LCLAT1: variants seen among roughly 807,000 people sequenced by gnomAD.
LCLAT1 encodes the protein lysocardiolipin acyltransferase 1, also known as 1-AGP acyltransferase 8.
In LCLAT1, 11 loss-of-function variants were observed where a neutral mutation model predicts 30.7. The observed-to-expected ratio is 0.36, with a 90% CI of 0.23 to 0.59. The LOEUF (loss-of-function observed/expected upper bound fraction) is 0.59, where lower values mean the gene tolerates loss of function less well. LCLAT1 is among the 20% of genes least tolerant of loss of function. LCLAT1 has a pLI of 0.77. For missense variants in LCLAT1, 402 were observed against 458.6 expected, an observed-to-expected ratio of 0.88 and a Z score of 1.13; for synonymous variants, 155 against 151.3, an observed-to-expected ratio of 1.02 and a Z score of -0.18.
At chr2:30,459,459 TA>T (rs1336088929) in intron 1 of LCLAT1, 11 of 672,910 alleles carry the variant, frequency 1.6e-5, no homozygotes, top group Non-Finnish European at 2.7e-5. Flanking sequence ...CCTGGGCCCG[TA>T]ATCTGTTTAC....
chr2:30,567,988 T>A (rs1016523580), intron 4 of LCLAT1, 72 bp from the exon 5 acceptor site: 2 of 742,140 alleles, frequency 2.7e-6, no homozygotes, highest in Non-Finnish European at 4.5e-6. Context: ...CAAAAAAAAT[T>A]CTGCACTTCT....
intron 5 of LCLAT1, among the ~76,000 whole-genome samples, chr2:30,605,314 C>T (rs1667387860): frequency 6.6e-6 from 1 of 152,202 alleles, no homozygotes; most frequent in Non-Finnish European, 1.5e-5. Flanking sequence ...ATTTTCATCT[C>T]ATTAGGCCAC....
intron 1 of LCLAT1, among the ~76,000 whole-genome samples, chr2:30,466,262 TTTC>T (rs1682424588): frequency 6.9e-6 from 1 of 145,254 alleles, no homozygotes. Context: ...TCTTTCCTGC[TTTC>T]TTTTTTTTTT....
chr2:30,594,694 T>A (rs1209115034), intron 5 of LCLAT1, among the ~76,000 whole-genome samples: 1 of 152,206 alleles, frequency 6.6e-6, no homozygotes, highest in Non-Finnish European at 1.5e-5. Context: ...CTCAGCACAA[T>A]GTATAAAATT....
At chr2:30,523,052 A>G (rs937837805) in intron 1 of LCLAT1, among the ~76,000 whole-genome samples, 1 of 152,094 alleles carries the variant, frequency 6.6e-6, no homozygotes, top group Non-Finnish European at 1.5e-5. Context: ...GGGAAGCATT[A>G]TATATGGATA....
chr2:30,594,038 A>G (rs911422733), intron 5 of LCLAT1, among the ~76,000 whole-genome samples: 2 of 152,178 alleles, frequency 1.3e-5, no homozygotes, highest in Non-Finnish European at 2.9e-5. Flanking sequence ...GAAATGTAAT[A>G]TAGGTTTTAT....
intron 5 of LCLAT1, among the ~76,000 whole-genome samples, chr2:30,580,204 C>A (rs947855260): frequency 2.6e-5 from 4 of 152,082 alleles, no homozygotes; most frequent in Non-Finnish European, 5.9e-5. Flanking sequence ...TAAATCTTGT[C>A]TTTTCTGTGT....
chr2:30,494,953 A>ATT lies in LCLAT1; in HGVS notation c.-4-30620_-4-30619dup, dbSNP rs563456939. ...CGATATAACCATTTCATGAAGTGTGATTTTTTTTTTTTTTTAATTTTTGAA... is the reference window on the plus strand; with the variant it reads ...CGATATAACCATTTCATGAAGTGTGATTTTTTTTTTTTTTTTTAATTTTTGAA... On this transcript the variant is annotated intron_variant, in intron 1 of 5. Coordinates refer to ENST00000379509, the MANE Select transcript of LCLAT1 (RefSeq NM_001002257.3). 7.0e-3 allele frequency among the ~76,000 whole-genome samples: 962 copies of ATT among 137,928 alleles called. 15 individuals carry two copies. The highest frequency in any genetic ancestry group is 0.023 in the African/African-American group (881 of 37,786). 90.5% of individuals were successfully genotyped at this position (137,928 alleles called of 152,430 possible).
chr2:30,570,107 C>G (rs962334080), intron 5 of LCLAT1, among the ~76,000 whole-genome samples: 3 of 152,028 alleles, frequency 2.0e-5, no homozygotes, highest in Non-Finnish European at 4.4e-5. Flanking sequence ...CTATAGAGCT[C>G]TCTTTTGAAA....
At position 30,558,597 on chromosome 2, in the gene LCLAT1, CAA is replaced by C. The variant is rs36075365; in HGVS notation, c.365-3529_365-3528del. On this transcript the variant is annotated intron_variant, in intron 3 of 5. Coordinates refer to ENST00000379509, the MANE Select transcript of LCLAT1 (RefSeq NM_001002257.3). Reference sequence around the variant, plus strand: ...TGGGTGACAGAGCAAGACTTTGTCTCAAAAAAAAAAAAAAAAAAAAAGGTGTC... The same window carrying C: ...TGGGTGACAGAGCAAGACTTTGTCTCAAAAAAAAAAAAAAAAAAAGGTGTC... Among the ~76,000 whole-genome samples, 421 of 83,208 alleles carry C rather than the reference CAA, an allele frequency of 5.1e-3. 1 individual carries two copies. The highest frequency in any genetic ancestry group is 0.013 in the African/African-American group (293 of 22,352). The allele number at this position is 83,208 out of a possible 152,430, so 54.6% of individuals were successfully genotyped here. A position where few individuals can be genotyped will look rare whatever the true frequency, so the allele number is the denominator to read the frequency against.
intron 3 of LCLAT1, among the ~76,000 whole-genome samples, chr2:30,553,543 C>T (rs988920124): frequency 2.0e-5 from 3 of 152,172 alleles, no homozygotes; most frequent in East Asian, 1.9e-4. Context: ...TTGCCGGGCG[C>T]GGTGGCTCAC....
chr2:30,532,967 C>T lies in LCLAT1; in HGVS notation c.166-149C>T, dbSNP rs1686051577. 9.7e-6 allele frequency: 6 copies of T among 615,910 alleles called. No homozygotes were observed. The Admixed American group carries it at 1.4e-4, about 15-fold the overall frequency. The allele number at this position is 615,910 out of a possible 1,614,324, so 38.2% of individuals were successfully genotyped here. The stretch of plus-strand genomic sequence containing the variant: ...TTCTCATTCTTCTAGATAACCTCAC[C>T]ACTCAATTTTTTATTATAGAAGCAA... On this transcript the variant is annotated intron_variant, in intron 2 of 5. Transcript: ENST00000379509.
chr2:30,623,129 C>T (rs990345361), intron 5 of LCLAT1, among the ~76,000 whole-genome samples: 8 of 144,114 alleles, frequency 5.6e-5, no homozygotes, highest in Non-Finnish European at 1.0e-4. Context: ...TCTCTGCTCA[C>T]TGCAAGCTCC....
chr2:30,533,043 T>A, intron 2 of LCLAT1, 73 bp from the exon 3 acceptor site: 1 of 1,015,478 alleles, frequency 9.8e-7, no homozygotes, highest in Non-Finnish European at 1.6e-6. Context: ...AAGATTTATT[T>A]ATAGGGCATG....
intron 1 of LCLAT1, among the ~76,000 whole-genome samples, chr2:30,471,420 G>T (rs1682783191): frequency 6.6e-6 from 1 of 151,004 alleles, no homozygotes; most frequent in Non-Finnish European, 1.5e-5. Flanking sequence ...ATGTTGCCCA[G>T]GCTGGTCTTG....
intron 5 of LCLAT1, among the ~76,000 whole-genome samples, chr2:30,622,009 G>T (rs1668277433): frequency 6.6e-6 from 1 of 152,156 alleles, no homozygotes; most frequent in Non-Finnish European, 1.5e-5. Context: ...TCAGTGAGGG[G>T]GGTTGTAGCC....
chr2:30,523,617 C>T (rs780931148), intron 1 of LCLAT1, among the ~76,000 whole-genome samples: 11 of 152,194 alleles, frequency 7.2e-5, no homozygotes, highest in Non-Finnish European at 1.5e-4. Flanking sequence ...CGCCTGTAAT[C>T]CCAGCATTTT....
At chr2:30,530,754 G>C (rs550136528) in intron 2 of LCLAT1, among the ~76,000 whole-genome samples, 3 of 152,180 alleles carry the variant, frequency 2.0e-5, no homozygotes, top group Admixed American at 6.5e-5. Flanking sequence ...ATGTTGCCTA[G>C]GCTAGTTTCA....
intron 5 of LCLAT1, among the ~76,000 whole-genome samples, chr2:30,583,630 G>A (rs541716435): frequency 4.1e-4 from 63 of 152,276 alleles, no homozygotes; most frequent in African/African-American, 1.4e-3. Context: ...GAAATTGTCC[G>A]AATTTGGCCA....
Sources: gnomAD v4.1 joint callset for allele counts (sites outside exome capture counted in the v4.1 genomes callset) on GRCh38, gnomAD v4.1.1 for gene constraint, MANE v1.5 for transcripts, NCBI Gene and HGNC (gene_info 2026-07-23, HGNC 2026-07-21) for gene names.